The following TENM1 variants were observed in gnomAD, a reference collection of about 807,000 sequenced individuals.
TENM1 encodes teneurin transmembrane protein 1.
In TENM1, 35 loss-of-function variants were observed where a neutral mutation model predicts 174.8. That is an observed-to-expected ratio of 0.20 (90% CI 0.15 to 0.27). TENM1 has a LOEUF of 0.27. TENM1 is among the 10% of genes least tolerant of loss of function. The pLI, the probability that TENM1 is intolerant of heterozygous loss-of-function variation, is 1.00. For missense variants in TENM1, 1,633 were observed against 2,130.1 expected, an observed-to-expected ratio of 0.77 and a Z score of 4.59; for synonymous variants, 781 against 798.7, an observed-to-expected ratio of 0.98 and a Z score of 0.37.
the TENM1 span, among the ~76,000 whole-genome samples, chrX:124,994,010 T>C: frequency 9.1e-6 from 1 of 110,345 alleles, no homozygotes; most frequent in Non-Finnish European, 1.9e-5. Flanking sequence ...CCTATTTTCA[T>C]GATGATTTTT....
At chrX:124,961,703 T>G (rs1273932556) in intron 1 of TENM1, among the ~76,000 whole-genome samples, 1 of 111,043 alleles carries the variant, frequency 9.0e-6, no homozygotes, top group African/African-American at 3.3e-5. Context: ...ACCTACACAG[T>G]GAAACAGTGA....
chrX:124,773,451 T>G (rs1258745769), intron 3 of TENM1, among the ~76,000 whole-genome samples: 1 of 108,564 alleles, frequency 9.2e-6, no homozygotes, highest in Non-Finnish European at 1.9e-5. Context: ...GTAAAAATAC[T>G]GGATAAACAT....
chrX:124,996,259 A>G, the TENM1 span, among the ~76,000 whole-genome samples: 2 of 110,128 alleles, frequency 1.8e-5, no homozygotes, highest in African/African-American at 6.6e-5. Context: ...TTTTGCAAAC[A>G]CTCCTAAGTC....
Position 124,614,978 on chromosome X carries a change from A to G in TENM1, c.2077+26813T>C, listed in dbSNP as rs748589668. Among the ~76,000 whole-genome samples, 146 of 112,367 alleles carry G rather than the reference A, an allele frequency of 1.3e-3. 1 individual carries two copies. Among genetic ancestry groups the G allele is most frequent in the African/African-American group, 4.5e-3 (139 of 30,998 alleles). Reference sequence around the variant, plus strand: ...TGATCATGCTTCAAGAGCTAGGAACATGCCCAAGATTTAGTATCAGGCCAG... The same window carrying G: ...TGATCATGCTTCAAGAGCTAGGAACGTGCCCAAGATTTAGTATCAGGCCAG... On this transcript the variant is annotated intron_variant, in intron 11 of 31. Coordinates refer to ENST00000422452, the Ensembl canonical transcript of TENM1.
chrX:124,456,384 T>A (rs1175001526), intron 22 of TENM1, among the ~76,000 whole-genome samples: 1 of 111,836 alleles, frequency 8.9e-6, no homozygotes, highest in Admixed American at 9.5e-5. Context: ...ACCGAGCATA[T>A]TTTATATGTA....
At chrX:125,060,440 G>A in the TENM1 span, among the ~76,000 whole-genome samples, 18 of 110,795 alleles carry the variant, frequency 1.6e-4, no homozygotes, top group African/African-American at 5.2e-4. Flanking sequence ...CAAAAGTTTT[G>A]AAAAGTGCAT....
chrX:124,597,140 T>C (rs936867300), intron 11 of TENM1, among the ~76,000 whole-genome samples: 1 of 107,238 alleles, frequency 9.3e-6, no homozygotes, highest in African/African-American at 3.4e-5. Context: ...TAAAAGTAGA[T>C]CTACCATTTG....
chrX:125,045,191 T>C, the TENM1 span, among the ~76,000 whole-genome samples: 31 of 111,445 alleles, frequency 2.8e-4, no homozygotes, highest in Non-Finnish European at 5.5e-4. Context: ...GAGAACAGTA[T>C]GGGGGAAACA....
chrX:124,523,301 T>C (rs913746643), intron 17 of TENM1, 63 bp downstream of exon 20: 4 of 1,094,121 alleles, frequency 3.7e-6, no homozygotes, highest in Non-Finnish European at 5.0e-6. Flanking sequence ...AATTTAGCTA[T>C]TATACACTGT....
chrX:124,653,646 A>C (rs1330583572), exon 7 of TENM1: 1 of 1,211,236 alleles, frequency 8.3e-7, no homozygotes, highest in South Asian at 1.8e-5. Flanking sequence ...TCCTTGGCTA[A>C]AGAAATATTG....
At chrX:125,190,649 A>T in the TENM1 span, among the ~76,000 whole-genome samples, 1 of 111,219 alleles carries the variant, frequency 9.0e-6, no homozygotes, top group African/African-American at 3.3e-5. Flanking sequence ...CTCCAGCAAC[A>T]TCTCTCAAGA....
At chrX:124,498,188 T>G (rs768870277) in intron 19 of TENM1, among the ~76,000 whole-genome samples, 2 of 111,533 alleles carry the variant, frequency 1.8e-5, no homozygotes, top group African/African-American at 6.5e-5. Flanking sequence ...TGGCTCTTCT[T>G]TCCCCCCATT....
chrX:124,743,407 T>C (rs1233415085), intron 3 of TENM1, among the ~76,000 whole-genome samples: 1 of 112,003 alleles, frequency 8.9e-6, no homozygotes, highest in African/African-American at 3.2e-5. Flanking sequence ...TAAATACTTA[T>C]GTATAAATGG....
chrX:124,994,213 TGAC>T, the TENM1 span, among the ~76,000 whole-genome samples: 7,128 of 90,091 alleles, frequency 0.079, 388 homozygotes, highest in Non-Finnish European at 0.12. Flanking sequence ...TTTAATTGAC[TGAC>T]TTTTTTTTTT....
chrX:124,457,456 T>A (rs1446267085), intron 22 of TENM1, among the ~76,000 whole-genome samples: 3 of 112,254 alleles, frequency 2.7e-5, no homozygotes, highest in Non-Finnish European at 5.6e-5. Context: ...CAGGCTCTTT[T>A]CTCTGTGAAG....
At chrX:124,632,104 G>C (rs1029884471) in intron 11 of TENM1, among the ~76,000 whole-genome samples, 1 of 107,648 alleles carries the variant, frequency 9.3e-6, no homozygotes, top group African/African-American at 3.4e-5. Context: ...GTAGAGACAG[G>C]GTTTCACCAT....
chrX:124,666,499 T>C (rs1383696073), intron 6 of TENM1, among the ~76,000 whole-genome samples: 2 of 111,576 alleles, frequency 1.8e-5, no homozygotes, highest in South Asian at 3.7e-4. Flanking sequence ...AAAAAAACCG[T>C]AACAATGACA....
In TENM1 at chrX:124,828,572, T is replaced by C. The variant is rs183219949; in HGVS notation, c.535+65724A>G. 7.1e-5 allele frequency among the ~76,000 whole-genome samples: 8 copies of C among 112,623 alleles called. No individual in the cohort carries two copies. In the East Asian group the frequency reaches 2.0e-3, roughly 28 times the overall value. ...ACTCATTTCTGACATTAACAGTTGC[T>C]TTTATTTCTCTGCCAACCTCAGCCT... On this transcript the variant is annotated intron_variant, in intron 3 of 31. Coordinates refer to ENST00000422452, the Ensembl canonical transcript of TENM1.
At chrX:124,606,318 A>G (rs970777808) in intron 11 of TENM1, among the ~76,000 whole-genome samples, 1 of 111,406 alleles carries the variant, frequency 9.0e-6, no homozygotes, top group Admixed American at 9.6e-5. Flanking sequence ...CTTTGCCTCT[A>G]TAAGAACCTT....
Sources: allele counts gnomAD v4.1 joint callset (sites outside exome capture counted in the v4.1 genomes callset), GRCh38; gene constraint gnomAD v4.1.1; transcripts MANE v1.5; gene names NCBI Gene and HGNC (gene_info 2026-07-23, HGNC 2026-07-21).